The following CNTNAP2 variants were observed in gnomAD, a reference collection of about 807,000 sequenced individuals.
The protein encoded by CNTNAP2 is contactin associated protein 2, also known as contactin-associated protein-like 2.
In CNTNAP2, 98 loss-of-function variants were observed where a neutral mutation model predicts 155.2. That is an observed-to-expected ratio of 0.63 (90% confidence interval 0.54 to 0.75). CNTNAP2 has a LOEUF of 0.75. Ranked by LOEUF, CNTNAP2 falls within the 30% of genes least tolerant of loss-of-function variation. The pLI is 0.00. For missense variants in CNTNAP2, 1,727 were observed against 1,688.1 expected, an observed-to-expected ratio of 1.02 and a Z score of -0.40; for synonymous variants, 651 against 631.2, an observed-to-expected ratio of 1.03 and a Z score of -0.47.
chr7:147,305,634 C>T (rs996944857), intron 9 of CNTNAP2, among the ~76,000 whole-genome samples: 3 of 152,160 alleles, frequency 2.0e-5, no homozygotes, highest in Non-Finnish European at 4.4e-5. Context: ...TGGAATGAGA[C>T]ACATTTTATC....
chr7:148,204,994 C>T (rs1795425946), intron 18 of CNTNAP2, among the ~76,000 whole-genome samples: 1 of 152,222 alleles, frequency 6.6e-6, no homozygotes, highest in South Asian at 2.1e-4. Context: ...CCTATTGGAA[C>T]TCAGTAGGAG....
Position 146,747,829 on chromosome 7 carries a change from T to G in CNTNAP2, c.98-26442T>G, listed in dbSNP as rs574328140. Reference sequence around the variant, plus strand: ...GTTTAAGATAATTATGGACTGAATATTTCTTAGTTTTTTAAATTTAGAGCA... The same window carrying G: ...GTTTAAGATAATTATGGACTGAATAGTTCTTAGTTTTTTAAATTTAGAGCA... On this transcript the variant is annotated intron_variant, in intron 1 of 23. Coordinates refer to ENST00000361727, the MANE Select transcript of CNTNAP2 (RefSeq NM_014141.6). Among the ~76,000 whole-genome samples, 30 of 152,298 alleles carry G rather than the reference T, an allele frequency of 2.0e-4. No individual in the cohort carries two copies. The South Asian group carries it at 6.0e-3, about 30-fold the overall frequency.
chr7:147,055,820 T>C (rs1376008742), intron 4 of CNTNAP2, among the ~76,000 whole-genome samples: 1 of 152,092 alleles, frequency 6.6e-6, no homozygotes, highest in East Asian at 1.9e-4. Context: ...GGAATATGCC[T>C]GATCCCCGAG....
chr7:147,248,779 A>C (rs575707641), intron 8 of CNTNAP2, among the ~76,000 whole-genome samples: 1 of 152,224 alleles, frequency 6.6e-6, no homozygotes, highest in Non-Finnish European at 1.5e-5. Flanking sequence ...TTGAATGCCT[A>C]AGGTTTAAAT....
chr7:147,400,773 C>A (rs964831281), intron 10 of CNTNAP2, among the ~76,000 whole-genome samples: 1 of 152,162 alleles, frequency 6.6e-6, no homozygotes, highest in Non-Finnish European at 1.5e-5. Context: ...AAATGTAGAA[C>A]TGATGTCTAG....
At chr7:147,421,486 A>T (rs538639718) in intron 10 of CNTNAP2, among the ~76,000 whole-genome samples, 9 of 151,768 alleles carry the variant, frequency 5.9e-5, no homozygotes, top group Non-Finnish European at 1.2e-4. Context: ...CAATTAACTA[A>T]TGTATTTATC....
At chr7:147,272,675 T>A in intron 8 of CNTNAP2, among the ~76,000 whole-genome samples, 1 of 150,940 alleles carries the variant, frequency 6.6e-6, no homozygotes, top group Non-Finnish European at 1.5e-5. Context: ...TTTTTTTTTT[T>A]TTTTTGTATT....
intron 14 of CNTNAP2, among the ~76,000 whole-genome samples, chr7:147,910,034 C>G (rs151218413): frequency 0.011 from 1,675 of 152,220 alleles, 87 homozygotes; most frequent in Admixed American, 0.091. Context: ...CCATGACCAA[C>G]TTTTATAGCA....
At chr7:147,422,251 T>A (rs1418414506) in intron 10 of CNTNAP2, among the ~76,000 whole-genome samples, 2 of 149,746 alleles carry the variant, frequency 1.3e-5, no homozygotes, top group Non-Finnish European at 3.0e-5. Flanking sequence ...AGTATACTCA[T>A]ACACACAATA....
intron 3 of CNTNAP2, among the ~76,000 whole-genome samples, chr7:146,866,018 A>G (rs2129206243): frequency 6.6e-6 from 1 of 152,240 alleles, no homozygotes; most frequent in South Asian, 2.1e-4. Context: ...TATTATTCTC[A>G]GAAGATCCAC....
At chr7:147,818,827 C>T (rs1798317210) in intron 13 of CNTNAP2, among the ~76,000 whole-genome samples, 1 of 152,134 alleles carries the variant, frequency 6.6e-6, no homozygotes, top group South Asian at 2.1e-4. Flanking sequence ...GAGCAAATCT[C>T]ATTTTCTTAG....
chr7:146,200,701 T>C (rs556823131), intron 1 of CNTNAP2, among the ~76,000 whole-genome samples: 7 of 152,300 alleles, frequency 4.6e-5, no homozygotes, highest in East Asian at 3.9e-4. Flanking sequence ...CCTAGGTGTC[T>C]AGTAGATTAT....
At position 147,667,630 on chromosome 7, in the gene CNTNAP2, G is replaced by A. The variant is rs948960318; in HGVS notation, c.2098+28324G>A. Among the ~76,000 whole-genome samples, 3 of 152,022 alleles carry A rather than the reference G, an allele frequency of 2.0e-5. No individual in the cohort carries two copies. In the South Asian group the frequency reaches 6.2e-4, roughly 32 times the overall value. ...ACCTTTCAGGATTTGCTTATTGTTG[G>A]TGATGGTCCCACACATGCTCCTTTT... On this transcript the variant is annotated intron_variant, in intron 13 of 23. Transcript: ENST00000361727.
chr7:147,209,728 G>T (rs928516249), intron 8 of CNTNAP2, among the ~76,000 whole-genome samples: 1 of 151,910 alleles, frequency 6.6e-6, no homozygotes, highest in Non-Finnish European at 1.5e-5. Context: ...GGTTGTCATA[G>T]ATGGATCTTA....
intron 9 of CNTNAP2, among the ~76,000 whole-genome samples, chr7:147,367,123 A>G (rs1039469943): frequency 6.6e-6 from 1 of 152,216 alleles, no homozygotes; most frequent in African/African-American, 2.4e-5. Flanking sequence ...ACAAAAGATA[A>G]TTTAACATGG....
intron 15 of CNTNAP2, among the ~76,000 whole-genome samples, chr7:148,087,973 A>C (rs1803766009): frequency 6.6e-6 from 1 of 152,090 alleles, no homozygotes; most frequent in Non-Finnish European, 1.5e-5. Flanking sequence ...GAAAACTTTT[A>C]TTTTGGAATT....
chr7:148,093,559 C>T (rs1379894673), intron 15 of CNTNAP2, among the ~76,000 whole-genome samples: 1 of 152,128 alleles, frequency 6.6e-6, no homozygotes, highest in Non-Finnish European at 1.5e-5. Context: ...AAAAGGAAAA[C>T]ATGACGTCAG....
At chr7:146,933,120 G>A (rs1036167756) in intron 3 of CNTNAP2, among the ~76,000 whole-genome samples, 37 of 152,054 alleles carry the variant, frequency 2.4e-4, no homozygotes, top group South Asian at 8.3e-4. Flanking sequence ...AAAAGAGCCC[G>A]CATCGCCAAG....
intron 8 of CNTNAP2, among the ~76,000 whole-genome samples, chr7:147,257,342 C>G (rs115400594): frequency 2.0e-5 from 3 of 152,268 alleles, no homozygotes; most frequent in Non-Finnish European, 4.4e-5. Context: ...AGGGCAACAT[C>G]GAGTAATTCC....
Sources: gnomAD v4.1 joint callset for allele counts (sites outside exome capture counted in the v4.1 genomes callset) on GRCh38, gnomAD v4.1.1 for gene constraint, MANE v1.5 for transcripts, NCBI Gene and HGNC (gene_info 2026-07-23, HGNC 2026-07-21) for gene names.